The following LGSN variants were observed in gnomAD, a reference collection of about 807,000 sequenced individuals.
The protein encoded by LGSN is lengsin.
LGSN carries 21 observed loss-of-function variants against 19.5 expected under a neutral mutation model. That is an observed-to-expected ratio of 1.07 (90% CI 0.76 to 1.55). The LOEUF is 1.55. Ranked by LOEUF, LGSN falls within the 40% of genes most tolerant of loss-of-function variation. The probability of loss-of-function intolerance (pLI) is 0.00; values close to 1 mark genes in which losing one functional copy is unlikely to be tolerated. For synonymous variants in LGSN, 257 were observed against 215.6 expected, an observed-to-expected ratio of 1.19 and a Z score of -1.68; for missense variants, 673 against 608.5, an observed-to-expected ratio of 1.11 and a Z score of -1.12.
At chr6:63,463,126 C>A in the LGSN span, among the ~76,000 whole-genome samples, 1 of 152,128 alleles carries the variant, frequency 6.6e-6, no homozygotes, top group African/African-American at 2.4e-5. Flanking sequence ...AGTTGTGTAA[C>A]GTTGGCAAAT....
At chr6:63,513,244 C>T in the LGSN span, among the ~76,000 whole-genome samples, 1 of 152,108 alleles carries the variant, frequency 6.6e-6, no homozygotes, top group Non-Finnish European at 1.5e-5. Flanking sequence ...TATTATTGTC[C>T]CTTTTGCAAA....
At chr6:63,338,108 A>G in the LGSN span, among the ~76,000 whole-genome samples, 3 of 151,294 alleles carry the variant, frequency 2.0e-5, no homozygotes, top group African/African-American at 7.3e-5. Flanking sequence ...CTGCTCTCAA[A>G]CTCCTGAGCT....
At chr6:63,322,386 G>A (rs1274107702), upstream of LGSN, among the ~76,000 whole-genome samples, 2 of 152,108 alleles carry the variant, frequency 1.3e-5, no homozygotes, top group Non-Finnish European at 2.9e-5. Context: ...GTTCAGTGAA[G>A]GAAATAATCT....
chr6:63,543,141 G>A, the LGSN span, among the ~76,000 whole-genome samples: 4 of 152,096 alleles, frequency 2.6e-5, no homozygotes, highest in Non-Finnish European at 5.9e-5. Context: ...AAATTAGAGT[G>A]CTCCTTTGAA....
At chr6:63,441,373 C>T in the LGSN span, 1 of 471,936 alleles carries the variant, frequency 2.1e-6, no homozygotes, top group South Asian at 1.9e-5. Context: ...GTCACCTTGT[C>T]GTCAGCTTTG....
intron 1 of LGSN, among the ~76,000 whole-genome samples, chr6:63,304,569 T>A (rs1467851050): frequency 6.6e-6 from 1 of 152,178 alleles, no homozygotes; most frequent in African/African-American, 2.4e-5. Flanking sequence ...ACAGGCTGCT[T>A]AATTAAAACA....
the LGSN span, among the ~76,000 whole-genome samples, chr6:63,553,289 T>C: frequency 6.6e-6 from 1 of 152,182 alleles, no homozygotes; most frequent in Admixed American, 6.5e-5. Context: ...CCCAAAACCA[T>C]GCTTCAGGAC....
At chr6:63,284,512 A>G (rs1225377200) in intron 3 of LGSN, among the ~76,000 whole-genome samples, 1 of 152,194 alleles carries the variant, frequency 6.6e-6, no homozygotes, top group Non-Finnish European at 1.5e-5. Context: ...TGTCCTATAT[A>G]TGGACTTTTA....
chr6:63,428,452 A>G, the LGSN span, among the ~76,000 whole-genome samples: 1 of 152,240 alleles, frequency 6.6e-6, no homozygotes, highest in East Asian at 1.9e-4. Flanking sequence ...CCTAGGTTCA[A>G]GCAACTCTCC....
the LGSN span, among the ~76,000 whole-genome samples, chr6:63,357,521 A>G: frequency 6.6e-6 from 1 of 152,174 alleles, no homozygotes; most frequent in Admixed American, 6.5e-5. Context: ...AATGATCGCC[A>G]TTCTAACTAG....
chr6:63,467,582 T>G, the LGSN span, among the ~76,000 whole-genome samples: 2 of 152,248 alleles, frequency 1.3e-5, no homozygotes, highest in Admixed American at 6.5e-5. Context: ...TGACTGCACA[T>G]GGACGTTTCT....
the LGSN span, among the ~76,000 whole-genome samples, chr6:63,404,570 C>T: frequency 9.9e-5 from 15 of 152,168 alleles, no homozygotes; most frequent in East Asian, 2.9e-3. Context: ...TGAGGGACCA[C>T]TTTCTTATAG....
At chr6:63,400,077 C>T in the LGSN span, among the ~76,000 whole-genome samples, 2 of 152,018 alleles carry the variant, frequency 1.3e-5, no homozygotes, top group Non-Finnish European at 2.9e-5. Context: ...CAAAAATAGC[C>T]CTCATTTTGT....
the LGSN span, among the ~76,000 whole-genome samples, chr6:63,509,341 A>G: frequency 3.3e-5 from 5 of 151,968 alleles, no homozygotes; most frequent in Non-Finnish European, 5.9e-5. Context: ...CTAGGATTAC[A>G]GGCATGAGCC....
chr6:63,564,624 CA>C, the LGSN span, among the ~76,000 whole-genome samples: 1 of 152,202 alleles, frequency 6.6e-6, no homozygotes, highest in Non-Finnish European at 1.5e-5. Flanking sequence ...CCATAGCATG[CA>C]TATCCAACCT....
chr6:63,363,947 A>T, the LGSN span, among the ~76,000 whole-genome samples: 1 of 150,932 alleles, frequency 6.6e-6, no homozygotes, highest in African/African-American at 2.5e-5. Flanking sequence ...AATGAAAGGG[A>T]AAAACTGGTA....
the LGSN span, among the ~76,000 whole-genome samples, chr6:63,560,287 G>A: frequency 7.3e-6 from 1 of 137,168 alleles, no homozygotes; most frequent in East Asian, 2.3e-4. Context: ...AAAGTGAGCT[G>A]AGATCACGCC....
At chr6:63,548,277 A>G in the LGSN span, among the ~76,000 whole-genome samples, 14 of 152,234 alleles carry the variant, frequency 9.2e-5, no homozygotes, top group African/African-American at 2.9e-4. Flanking sequence ...GTTGTGTGAC[A>G]TAACTTTTCT....
chr6:63,349,106 A>G, the LGSN span, among the ~76,000 whole-genome samples: 1 of 152,248 alleles, frequency 6.6e-6, no homozygotes, highest in Non-Finnish European at 1.5e-5. Context: ...TGATGCATGA[A>G]GAAAGGAAGA....
Sources: gnomAD v4.1 joint callset for allele counts (sites outside exome capture counted in the v4.1 genomes callset) on GRCh38, gnomAD v4.1.1 for gene constraint, MANE v1.5 for transcripts, NCBI Gene and HGNC (gene_info 2026-07-23, HGNC 2026-07-21) for gene names.